AGMO: variants seen among roughly 807,000 people sequenced by gnomAD.
AGMO encodes glyceryl-ether monooxygenase.
Under a neutral mutation model 60.2 loss-of-function variants are expected in AGMO, and 75 were observed. The observed-to-expected ratio is 1.25, with a 90% CI of 1.03 to 1.51. AGMO has a LOEUF of 1.51. Among genes scored for constraint, AGMO ranks in the 40% most tolerant of loss-of-function variants. AGMO has a pLI of 0.00. For missense variants in AGMO, 763 were observed against 525.5 expected (o/e 1.45, Z -4.42); for synonymous variants, 261 against 177.1 (o/e 1.47, Z -3.76).
intron 6 of AGMO, among the ~76,000 whole-genome samples, chr7:15,391,320 A>T (rs1168697712): frequency 1.3e-5 from 2 of 152,042 alleles, no homozygotes; most frequent in Non-Finnish European, 2.9e-5. Flanking sequence ...ATCCTTTTTA[A>T]CTGCATCTGT....
rs1158492615 is a variant in AGMO at position 15,561,868 on chromosome 7, G to T, written c.-23C>A. 23 of 1,583,524 alleles carry T rather than the reference G, an allele frequency of 1.5e-5. No homozygotes were observed. Among genetic ancestry groups the T allele is most frequent in the Non-Finnish European group, 2.0e-5 (23 of 1,162,550 alleles). ...CATTTCTGCCCTTGTCTGATTCCCAGCTGGAGAATATTTAGGATTCAATGC... is the reference window on the plus strand; with the variant it reads ...CATTTCTGCCCTTGTCTGATTCCCATCTGGAGAATATTTAGGATTCAATGC... On this transcript the variant is annotated 5_prime_UTR_variant, in exon 1 of 13. In the 5' UTR this introduces an upstream ATG that the reference lacks. Coordinates refer to ENST00000342526, the MANE Select transcript of AGMO (RefSeq NM_001004320.2).
chr7:15,414,475 T>C (rs960408913), intron 5 of AGMO, among the ~76,000 whole-genome samples: 3 of 146,392 alleles, frequency 2.0e-5, no homozygotes, highest in African/African-American at 5.0e-5. Context: ...TAGACACACA[T>C]ACACACACAC....
chr7:15,544,838 A>G lies in AGMO; in HGVS notation c.343T>C (p.Trp115Arg). The change falls in exon 3 of 13, where the codon TGG becomes CGG. Residue 115 changes from tryptophan (W) to arginine (R), a missense_variant. By Grantham distance (101) the Trp-to-Arg change is moderately radical. Coordinates refer to ENST00000342526, the MANE Select transcript of AGMO (RefSeq NM_001004320.2). ...CCTAAGAAGGCTGAATACCAAGTCC[A>G]TGGAGAATCCCAAGGCAAATTGAAC... ...RLFNLPWDSPWTWYSAFLGVD... is the reference protein window; with the variant it reads ...RLFNLPWDSPRTWYSAFLGVD... 6.2e-7 allele frequency: 1 copy of G among 1,611,010 alleles called. No individual in the cohort carries two copies. Among genetic ancestry groups the G allele is most frequent in the Non-Finnish European group, 8.5e-7 (1 of 1,178,340 alleles).
chr7:15,274,856 T>G (rs1041581545), intron 12 of AGMO, among the ~76,000 whole-genome samples: 1 of 152,028 alleles, frequency 6.6e-6, no homozygotes, highest in African/African-American at 2.4e-5. Flanking sequence ...ATGTTTATAA[T>G]AGTCTCTAAT....
At chr7:15,363,361 T>C (rs1322910219) in intron 12 of AGMO, among the ~76,000 whole-genome samples, 1 of 152,186 alleles carries the variant, frequency 6.6e-6, no homozygotes, top group Non-Finnish European at 1.5e-5. Context: ...TGCCTAACTT[T>C]TGTGGAGCAC....
chr7:15,528,936 C>G (rs973546331), intron 3 of AGMO, among the ~76,000 whole-genome samples: 19 of 152,132 alleles, frequency 1.2e-4, no homozygotes, highest in African/African-American at 4.6e-4. Flanking sequence ...GCATGAGACA[C>G]CGCGCCCGGC....
At chr7:15,149,952 G>T in the AGMO span, among the ~76,000 whole-genome samples, 2 of 152,080 alleles carry the variant, frequency 1.3e-5, no homozygotes, top group East Asian at 1.9e-4. Flanking sequence ...TTAGAGCATG[G>T]AATGTTTTTC....
intron 3 of AGMO, among the ~76,000 whole-genome samples, chr7:15,493,893 T>G (rs1013256008): frequency 6.6e-6 from 1 of 152,124 alleles, no homozygotes; most frequent in African/African-American, 2.4e-5. Flanking sequence ...TATAAATATT[T>G]ATGGGTTGTA....
intron 12 of AGMO, among the ~76,000 whole-genome samples, chr7:15,338,566 C>T (rs1358208255): frequency 6.6e-6 from 1 of 152,146 alleles, no homozygotes; most frequent in African/African-American, 2.4e-5. Context: ...TGTTCAGGTA[C>T]TGGGAGACCT....
intron 3 of AGMO, among the ~76,000 whole-genome samples, chr7:15,453,302 G>C (rs1781903446): frequency 6.6e-6 from 1 of 152,138 alleles, no homozygotes; most frequent in Admixed American, 6.5e-5. Flanking sequence ...GCTTTTATAC[G>C]TGGTCTTATA....
At chr7:15,516,281 C>CA (rs954207833) in intron 3 of AGMO, among the ~76,000 whole-genome samples, 73 of 152,052 alleles carry the variant, frequency 4.8e-4, no homozygotes, top group Non-Finnish European at 1.0e-4. Context: ...GAAGCATGTA[C>CA]AAAATCCCCC....
At chr7:15,330,564 T>A (rs1328584844) in intron 12 of AGMO, among the ~76,000 whole-genome samples, 1 of 152,164 alleles carries the variant, frequency 6.6e-6, no homozygotes, top group Non-Finnish European at 1.5e-5. Flanking sequence ...GCACTCCCTT[T>A]ACTTCAAATT....
intron 10 of AGMO, among the ~76,000 whole-genome samples, chr7:15,373,942 A>G (rs1414299578): frequency 6.6e-6 from 1 of 152,120 alleles, no homozygotes; most frequent in Non-Finnish European, 1.5e-5. Flanking sequence ...AACCTCTACA[A>G]TCTCTGCTGT....
chr7:15,390,866 A>C lies in AGMO; in HGVS notation c.716T>G (p.Val239Gly), dbSNP rs1784110118. The C allele has an allele frequency of 6.2e-7, 1 of 1,604,844 alleles. No homozygotes were observed. Among genetic ancestry groups the C allele is most frequent in the African/African-American group, 1.3e-5 (1 of 74,682 alleles). ...RYCIDKNYAG[V>G]LIIWDKIFGT... ...AAAAATTTTATCCCAAATAATAAGA[A>C]CACCAGCATAATTTTTGTCTATGCA... Residue 239 changes from valine to glycine, a missense_variant, in exon 7 of 13, where the codon GTT (valine) becomes GGT (glycine). Physicochemically the swap from Val to Gly is moderately radical, Grantham distance 109. Transcript: ENST00000342526.
chr7:15,441,372 A>T (rs1444204255), intron 3 of AGMO, among the ~76,000 whole-genome samples: 2 of 152,244 alleles, frequency 1.3e-5, no homozygotes, highest in African/African-American at 2.4e-5. Context: ...TACTTAATGA[A>T]ATCGAATTCT....
chr7:15,141,853 T>C, the AGMO span, among the ~76,000 whole-genome samples: 1 of 152,174 alleles, frequency 6.6e-6, no homozygotes, highest in Admixed American at 6.5e-5. Flanking sequence ...TTTTGGTAAA[T>C]GCCTAGAACT....
chr7:15,388,752 T>G (rs1319560816), intron 8 of AGMO, among the ~76,000 whole-genome samples: 3 of 152,216 alleles, frequency 2.0e-5, no homozygotes, highest in African/African-American at 4.8e-5. Flanking sequence ...GTGAGAAATT[T>G]ACCTGTATAT....
chr7:15,500,729 G>A (rs1783360920), intron 3 of AGMO, among the ~76,000 whole-genome samples: 1 of 151,950 alleles, frequency 6.6e-6, no homozygotes, highest in Non-Finnish European at 1.5e-5. Flanking sequence ...TCTTCTGATA[G>A]CTTTGGGGTT....
the AGMO span, among the ~76,000 whole-genome samples, chr7:15,123,907 G>C: frequency 6.6e-6 from 1 of 152,152 alleles, no homozygotes; most frequent in Admixed American, 6.6e-5. Flanking sequence ...GCTTTGCTGG[G>C]ACAGGTTTCT....
Sources: gnomAD v4.1 joint callset for allele counts (sites outside exome capture counted in the v4.1 genomes callset) on GRCh38, gnomAD v4.1.1 for gene constraint, MANE v1.5 for transcripts, NCBI Gene and HGNC (gene_info 2026-07-23, HGNC 2026-07-21) for gene names.